TRAK1: variants seen among roughly 807,000 people sequenced by gnomAD.
TRAK1 encodes the protein trafficking kinesin protein 1.
Under a neutral mutation model 92.1 loss-of-function variants are expected in TRAK1, and 33 were observed. The observed-to-expected ratio is 0.36, with a 90% CI of 0.27 to 0.48. The LOEUF is 0.48. Ranked by LOEUF, TRAK1 falls within the 20% of genes least tolerant of loss-of-function variation. The pLI is 0.99. For synonymous variants in TRAK1, 521 were observed against 517.3 expected, an observed-to-expected ratio of 1.01 and a Z score of -0.10; for missense variants, 1,123 against 1,257.9, an observed-to-expected ratio of 0.89 and a Z score of 1.62.
At chr3:42,069,376 A>G (rs970067124) in intron 1 of TRAK1, among the ~76,000 whole-genome samples, 3 of 151,412 alleles carry the variant, frequency 2.0e-5, no homozygotes, top group African/African-American at 7.3e-5. Context: ...CAGTGGTGCT[A>G]AGCTCACTTA....
chr3:42,091,774 C>T (rs1018748119), intron 1 of TRAK1, among the ~76,000 whole-genome samples: 1 of 152,104 alleles, frequency 6.6e-6, no homozygotes, highest in Non-Finnish European at 1.5e-5. Context: ...CCCCATCTCC[C>T]GTTCCCAGGT....
At chr3:42,180,160 A>G (rs1439774340) in intron 3 of TRAK1, among the ~76,000 whole-genome samples, 1 of 152,236 alleles carries the variant, frequency 6.6e-6, no homozygotes, top group Non-Finnish European at 1.5e-5. Flanking sequence ...GTAAAATTAA[A>G]GAGAAAAAAC....
chr3:42,182,619 G>A (rs1241110242), intron 3 of TRAK1, among the ~76,000 whole-genome samples: 1 of 152,192 alleles, frequency 6.6e-6, no homozygotes, highest in East Asian at 1.9e-4. Context: ...TGGCTGGCTT[G>A]TGGGACTGTG....
intron 1 of TRAK1, among the ~76,000 whole-genome samples, chr3:42,081,643 A>G (rs1396236950): frequency 6.6e-6 from 1 of 152,202 alleles, no homozygotes; most frequent in Non-Finnish European, 1.5e-5. Flanking sequence ...TGCCATGTAG[A>G]TAGGTATGTG....
chr3:42,219,067 C>T, intron 14 of TRAK1: 1 of 985,434 alleles, frequency 1.0e-6, no homozygotes, highest in Non-Finnish European at 1.2e-6. Flanking sequence ...CTGTACTTCT[C>T]CCCTTCCTCT....
rs758542862 is a variant in TRAK1, at chr3:42,202,487, C to T, written c.1479C>T (p.His493=). 6.4e-5 allele frequency: 96 copies of T among 1,502,126 alleles called. No individual in the cohort carries two copies. The highest frequency in any genetic ancestry group is 5.3e-4 in the South Asian group (39 of 73,282). The allele number at this position is 1,502,126 out of a possible 1,614,324, so 93.0% of individuals were successfully genotyped here. A position where few individuals can be genotyped will look rare whatever the true frequency, so the allele number is the denominator to read the frequency against. ...GGACGCCGGGCACCCCAGGCTCCCA[C>T]GACCTGGAGACGGCGCTGAGGCGGC... ...KPGTPGTPGS[H]DLETALRRLS... is the part of the protein sequence containing the mutation. Residue 493 remains histidine (H), a synonymous_variant, in exon 13 of 16, where the codon CAC becomes CAT. Coordinates refer to ENST00000327628, the MANE Select transcript of TRAK1 (RefSeq NM_001042646.3). This position sits in a 1 kb window ranked among gnomAD's most constrained non-coding sequence, Gnocchi z 6.1.
At chr3:42,017,630 C>T (rs1209059506) in intron 1 of TRAK1, among the ~76,000 whole-genome samples, 2 of 152,212 alleles carry the variant, frequency 1.3e-5, no homozygotes, top group African/African-American at 4.8e-5. Context: ...ATGTGTAAAA[C>T]TGGATGTCTC....
chr3:42,099,448 A>G lies in TRAK1; in HGVS notation c.91+7888A>G, dbSNP rs531882203. Among the ~76,000 whole-genome samples the G allele has an allele frequency of 7.9e-5, 12 of 152,312 alleles. No homozygotes were observed. In the South Asian group the frequency reaches 1.2e-3, roughly 16 times the overall value. ...AGCAAGACCCTAATCTTGACCTTCC[A>G]GGAGGTTTAAACCCTAGTTTGATTT... On this transcript the variant is annotated intron_variant, in intron 1 of 15. Coordinates refer to ENST00000327628, the MANE Select transcript of TRAK1 (RefSeq NM_001042646.3).
At position 42,184,794 on chromosome 3, in the gene TRAK1, G is replaced by C. The variant is rs1704541073; in HGVS notation, c.473G>C (p.Arg158Thr). The change falls in exon 4 of 16, where the codon AGG becomes ACG. Residue 158 changes from arginine (R) to threonine (T), a missense_variant. Physicochemically the swap from Arg to Thr is moderately conservative, Grantham distance 71 (BLOSUM62 -1). Around this residue, in one of 3 missense-constraint regions of TRAK1, gnomAD observed 686 missense variants for 747.6 expected, o/e 0.92. Transcript: ENST00000327628. ...ELLEEQVEHI[R>T]EEVSQLRHEL... ...CTGGAGGAGCAGGTGGAACACATCA[G>C]GGAGGAGGTAAGACATTGGAGGCCG... 1 of 1,613,668 alleles carries C rather than the reference G, an allele frequency of 6.2e-7. No homozygotes were observed. Among genetic ancestry groups the C allele is most frequent in the African/African-American group, 1.3e-5 (1 of 74,928 alleles).
chr3:42,196,306 T>C (rs1453077871), intron 10 of TRAK1, among the ~76,000 whole-genome samples: 2 of 152,184 alleles, frequency 1.3e-5, no homozygotes, highest in Non-Finnish European at 2.9e-5. Context: ...AATAAAACAG[T>C]GAGTAGCAGT....
intron 2 of TRAK1, among the ~76,000 whole-genome samples, chr3:42,159,449 C>G (rs964444930): frequency 6.6e-6 from 1 of 152,198 alleles, no homozygotes; most frequent in Non-Finnish European, 1.5e-5. Flanking sequence ...CTCACTGTTG[C>G]AGGCAAAATC....
intron 1 of TRAK1, among the ~76,000 whole-genome samples, chr3:42,062,219 C>T (rs1399349908): frequency 6.6e-6 from 1 of 151,908 alleles, no homozygotes. Flanking sequence ...CTGCCTGTTA[C>T]TCTTGTGAAA....
chr3:42,091,358 G>T lies in TRAK1; in HGVS notation c.-112G>T. 2 of 942,452 alleles carry T rather than the reference G, an allele frequency of 2.1e-6. No individual in the cohort carries two copies. The highest frequency in any genetic ancestry group is 3.2e-6 in the Non-Finnish European group (2 of 619,578). 58.4% of individuals were successfully genotyped at this position (942,452 alleles called of 1,614,324 possible). On this transcript the variant is annotated 5_prime_UTR_variant, in exon 1 of 16. Transcript: ENST00000327628. ...GGATTTGCCCTAACAAGCAAACTCA[G>T]AAAACTGCTGAGGAAGGCACGGGAG...
chr3:42,107,254 G>T (rs1466045138), intron 1 of TRAK1, among the ~76,000 whole-genome samples: 1 of 152,178 alleles, frequency 6.6e-6, no homozygotes, highest in African/African-American at 2.4e-5. Flanking sequence ...AGTGCCTTAT[G>T]CCTGTAATCC....
chr3:42,170,486 C>T (rs868414730), intron 2 of TRAK1, among the ~76,000 whole-genome samples: 17 of 152,238 alleles, frequency 1.1e-4, no homozygotes, highest in Middle Eastern at 3.4e-3. Context: ...CTATCAAAAG[C>T]GAGAGGTAAT....
intron 1 of TRAK1, among the ~76,000 whole-genome samples, chr3:42,035,232 ACACCCTCTT>A (rs1702284501): frequency 6.6e-6 from 1 of 152,070 alleles, no homozygotes; most frequent in Non-Finnish European, 1.5e-5. Context: ...CTGGGAAGCT[ACACCCTCTT>A]GGTTTTCCTC....
chr3:42,205,550 T>C (rs1204911700), intron 13 of TRAK1, among the ~76,000 whole-genome samples: 1 of 152,228 alleles, frequency 6.6e-6, no homozygotes, highest in Non-Finnish European at 1.5e-5. Context: ...CCATTCAAAC[T>C]AGAAAGATAT....
chr3:42,151,407 AGAG>A (rs1378590665), intron 2 of TRAK1: 1 of 456,396 alleles, frequency 2.2e-6, no homozygotes, highest in Non-Finnish European at 4.4e-6. Flanking sequence ...GGAAAATAGA[AGAG>A]GAGATGGCTC....
At chr3:42,092,714 T>TTATGTTATGTTATGTTATGA (rs1553712943) in intron 1 of TRAK1, among the ~76,000 whole-genome samples, 13 of 108,114 alleles carry the variant, frequency 1.2e-4, no homozygotes, top group African/African-American at 3.9e-4. Context: ...TTGTGTTGTG[T>TTATGTTATGTTATGTTATGA]TATGTTATGT....
Sources: allele counts gnomAD v4.1 joint callset (sites outside exome capture counted in the v4.1 genomes callset), GRCh38; gene constraint gnomAD v4.1.1; regional missense constraint gnomAD v4.1.1; non-coding constraint Gnocchi (gnomAD v3.1); transcripts MANE v1.5; gene names NCBI Gene and HGNC (gene_info 2026-07-23, HGNC 2026-07-21).